CSMD1: variants seen among roughly 807,000 people sequenced by gnomAD.
The protein encoded by CSMD1 is CUB and Sushi multiple domains 1, also known as CUB and sushi domain-containing protein 1.
Under a neutral mutation model 417.5 loss-of-function variants are expected in CSMD1, and 213 were observed. The observed-to-expected ratio is 0.51, with a 90% confidence interval of 0.46 to 0.57. The LOEUF is 0.57. CSMD1 is among the 20% of genes least tolerant of loss of function. CSMD1 has a pLI of 0.00. For synonymous variants in CSMD1, 2,862 were observed against 1,736.8 expected, an observed-to-expected ratio of 1.65 and a Z score of -16.11; for missense variants, 6,923 against 4,529.7, an observed-to-expected ratio of 1.53 and a Z score of -15.17.
At chr8:3,127,456 A>C (rs754396165) in intron 41 of CSMD1, 1 of 152,230 alleles carries the variant, frequency 6.6e-6, no homozygotes, top group Non-Finnish European at 1.5e-5. Flanking sequence ...CACATAATTC[A>C]GAATGAATTG....
intron 26 of CSMD1, among the ~76,000 whole-genome samples, chr8:3,242,400 G>A (rs1315626430): frequency 1.3e-5 from 2 of 151,826 alleles, no homozygotes; most frequent in Non-Finnish European, 2.9e-5. Context: ...GGAAGATTTG[G>A]GATGAGTTGC....
intron 5 of CSMD1, among the ~76,000 whole-genome samples, chr8:3,802,549 G>C (rs969680009): frequency 6.6e-6 from 1 of 152,042 alleles, no homozygotes. Flanking sequence ...GAATAATTTT[G>C]CCACCTACTT....
chr8:4,135,632 G>A (rs889804626), intron 3 of CSMD1, among the ~76,000 whole-genome samples: 2 of 152,098 alleles, frequency 1.3e-5, no homozygotes, highest in Admixed American at 6.6e-5. Flanking sequence ...ATAGTTCAAA[G>A]ATGTTTGGGA....
At chr8:4,318,459 C>A (rs993220154) in intron 3 of CSMD1, among the ~76,000 whole-genome samples, 1 of 151,982 alleles carries the variant, frequency 6.6e-6, no homozygotes, top group Admixed American at 6.6e-5. Context: ...GTTAAAAGGT[C>A]ATTAGCAAGT....
chr8:4,155,294 G>C (rs938395996), intron 3 of CSMD1, among the ~76,000 whole-genome samples: 1 of 152,196 alleles, frequency 6.6e-6, no homozygotes, highest in Non-Finnish European at 1.5e-5. Context: ...GGGTGGAGCA[G>C]CAAGATCAGC....
chr8:4,831,941 T>G (rs539574430), intron 1 of CSMD1, among the ~76,000 whole-genome samples: 25 of 152,090 alleles, frequency 1.6e-4, no homozygotes, highest in Non-Finnish European at 2.1e-4. Context: ...CCTTCGAGAT[T>G]TAAAATTTTT....
In CSMD1 at chr8:4,262,355, C is replaced by G. The variant is rs546299443; in HGVS notation, c.415+157598G>C. 9.2e-5 allele frequency among the ~76,000 whole-genome samples: 14 copies of G among 152,224 alleles called. No individual in the cohort carries two copies. In the East Asian group the frequency reaches 1.9e-3, roughly 21 times the overall value. On this transcript the variant is annotated intron_variant, in intron 3 of 69. Transcript: ENST00000635120. ...TTTTCATTTCTGCAATCTGGGATTC[C>G]CAGGACACATAAGCAGGCTGAAAGG...
chr8:3,657,399 G>C (rs1014872731), intron 7 of CSMD1, among the ~76,000 whole-genome samples: 1 of 152,008 alleles, frequency 6.6e-6, no homozygotes, highest in Non-Finnish European at 1.5e-5. Flanking sequence ...GGTATCAAAG[G>C]TCTCAGGCAG....
At chr8:3,911,137 T>A (rs938020982) in intron 5 of CSMD1, among the ~76,000 whole-genome samples, 1 of 152,130 alleles carries the variant, frequency 6.6e-6, no homozygotes, top group African/African-American at 2.4e-5. Flanking sequence ...ATCACAGGAC[T>A]CAAAGAGCTC....
intron 11 of CSMD1, among the ~76,000 whole-genome samples, chr8:3,490,862 TAAAAAGAAA>T (rs1818332476): frequency 6.7e-6 from 1 of 148,278 alleles, no homozygotes; most frequent in Admixed American, 6.8e-5. Flanking sequence ...TTTTTAAAAA[TAAAAAGAAA>T]AAAATTTTTT....
At chr8:3,673,859 T>G (rs777503209) in intron 7 of CSMD1, among the ~76,000 whole-genome samples, 6 of 152,152 alleles carry the variant, frequency 3.9e-5, no homozygotes, top group Non-Finnish European at 7.4e-5. Context: ...GGCTCACCCC[T>G]GTAATCCTAG....
chr8:4,929,915 G>C (rs1294995827), intron 1 of CSMD1, among the ~76,000 whole-genome samples: 1 of 152,180 alleles, frequency 6.6e-6, no homozygotes, highest in South Asian at 2.1e-4. Context: ...TGTAGTAAAA[G>C]TATATTGCAA....
intron 3 of CSMD1, among the ~76,000 whole-genome samples, chr8:4,084,609 C>G (rs577881048): frequency 6.6e-6 from 1 of 152,102 alleles, no homozygotes; most frequent in Non-Finnish European, 1.5e-5. Context: ...AAAATGAAAG[C>G]GAGCCTTCCA....
intron 5 of CSMD1, among the ~76,000 whole-genome samples, chr8:3,898,669 G>T (rs1304927267): frequency 1.3e-5 from 2 of 152,194 alleles, no homozygotes; most frequent in Admixed American, 1.3e-4. Flanking sequence ...CCTGGTATTT[G>T]TTGGTTTGTT....
intron 1 of CSMD1, among the ~76,000 whole-genome samples, chr8:4,953,318 T>A (rs1369835786): frequency 6.6e-6 from 1 of 152,172 alleles, no homozygotes; most frequent in East Asian, 1.9e-4. Flanking sequence ...TATTCACAAT[T>A]GAACTTGTTG....
At chr8:4,726,271 T>C (rs138382625) in intron 1 of CSMD1, among the ~76,000 whole-genome samples, 1 of 152,224 alleles carries the variant, frequency 6.6e-6, no homozygotes, top group East Asian at 1.9e-4. Context: ...CCCCGCTTCT[T>C]TGATCCTTTG....
intron 3 of CSMD1, among the ~76,000 whole-genome samples, chr8:4,394,692 G>A (rs1306058608): frequency 6.6e-6 from 1 of 152,096 alleles, no homozygotes; most frequent in African/African-American, 2.4e-5. Context: ...CGTCTTGCTG[G>A]CCCTGACTGG....
At chr8:4,785,979 T>A (rs140326011) in intron 1 of CSMD1, among the ~76,000 whole-genome samples, 1 of 152,208 alleles carries the variant, frequency 6.6e-6, no homozygotes, top group Non-Finnish European at 1.5e-5. Flanking sequence ...ACATCCTGCA[T>A]GGTAGCCAGG....
At chr8:4,726,539 C>T (rs1033919142) in intron 1 of CSMD1, among the ~76,000 whole-genome samples, 4 of 152,108 alleles carry the variant, frequency 2.6e-5, no homozygotes, top group Non-Finnish European at 5.9e-5. Context: ...ACAAGCAGTG[C>T]TAACCAGAGG....
Sources: gnomAD v4.1 joint callset for allele counts (sites outside exome capture counted in the v4.1 genomes callset) on GRCh38, gnomAD v4.1.1 for gene constraint, MANE v1.5 for transcripts, NCBI Gene and HGNC (gene_info 2026-07-23, HGNC 2026-07-21) for gene names.